The following PRKCE variants were observed in gnomAD, a reference collection of about 807,000 sequenced individuals.
The protein encoded by PRKCE is protein kinase C epsilon type.
PRKCE carries 16 observed loss-of-function variants against 85.4 expected under a neutral mutation model. The observed-to-expected ratio is 0.19, with a 90% CI of 0.13 to 0.28. The LOEUF (loss-of-function observed/expected upper bound fraction) is 0.28. Ranked by LOEUF, PRKCE falls within the 10% of genes least tolerant of loss-of-function variation. The pLI, the probability that PRKCE is intolerant of heterozygous loss-of-function variation, is 1.00. For synonymous variants in PRKCE, 388 were observed against 371.5 expected (o/e 1.04, Z -0.51); for missense variants, 573 against 975.2 (o/e 0.59, Z 5.49).
In PRKCE at chr2:45,712,989, G is replaced by A. The variant is rs112038943; in HGVS notation, c.348+60541G>A. On this transcript the variant is annotated intron_variant, in intron 1 of 14. Transcript: ENST00000306156. Reference sequence around the variant, plus strand: ...TAATAATGATAATTACGACACTGTCGCCTTGCATCTGTAATGCGCATCATG... The same window carrying A: ...TAATAATGATAATTACGACACTGTCACCTTGCATCTGTAATGCGCATCATG... Among the ~76,000 whole-genome samples the A allele has an allele frequency of 3.6e-3, 543 of 152,262 alleles. 3 individuals carry two copies. Among genetic ancestry groups the A allele is most frequent in the African/African-American group, 0.012 (513 of 41,552 alleles).
At chr2:45,870,389 C>T (rs556886431) in intron 2 of PRKCE, among the ~76,000 whole-genome samples, 2 of 152,300 alleles carry the variant, frequency 1.3e-5, no homozygotes, top group South Asian at 2.1e-4. Context: ...TGTGCATGTT[C>T]GAGATGCTAA....
chr2:46,096,249 T>C (rs543294643), intron 11 of PRKCE, among the ~76,000 whole-genome samples: 2 of 152,358 alleles, frequency 1.3e-5, no homozygotes, highest in African/African-American at 2.4e-5. Flanking sequence ...TGCAAACCTC[T>C]CTGGACTGCT....
chr2:46,078,401 A>G (rs980653607), intron 10 of PRKCE: 1 of 151,564 alleles, frequency 6.6e-6, no homozygotes, highest in Non-Finnish European at 1.5e-5. Context: ...TTAGCTGGAC[A>G]TGGTGGCACA....
chr2:45,702,196 C>A (rs144348363), intron 1 of PRKCE, among the ~76,000 whole-genome samples: 1 of 152,010 alleles, frequency 6.6e-6, no homozygotes, highest in Admixed American at 6.6e-5. Context: ...CAAAAAACAA[C>A]GACAACAACA....
At chr2:46,043,880 A>G (rs1017527613) in intron 10 of PRKCE, among the ~76,000 whole-genome samples, 6 of 152,190 alleles carry the variant, frequency 3.9e-5, no homozygotes, top group African/African-American at 1.4e-4. Context: ...TCTCCTATTT[A>G]TTTTTGTGGC....
intron 1 of PRKCE, among the ~76,000 whole-genome samples, chr2:45,702,437 G>C (rs1396009950): frequency 6.6e-6 from 1 of 152,132 alleles, no homozygotes; most frequent in East Asian, 1.9e-4. Context: ...AGCTGAGAGA[G>C]CATCTGTAAA....
chr2:46,127,383 C>T (rs955807029), intron 11 of PRKCE, among the ~76,000 whole-genome samples: 5 of 152,190 alleles, frequency 3.3e-5, no homozygotes, highest in South Asian at 2.1e-4. Context: ...AGAGAGAGCA[C>T]GCCCTAAACC....
At chr2:45,952,539 A>G (rs2104346602) in intron 2 of PRKCE, among the ~76,000 whole-genome samples, 1 of 152,354 alleles carries the variant, frequency 6.6e-6, no homozygotes, top group East Asian at 1.9e-4. Flanking sequence ...AAATTAAAGG[A>G]ACATAAAGCA....
chr2:45,944,068 A>C (rs1439125820), intron 2 of PRKCE, among the ~76,000 whole-genome samples: 1 of 152,220 alleles, frequency 6.6e-6, no homozygotes, highest in Non-Finnish European at 1.5e-5. Flanking sequence ...TTATGAATCT[A>C]TTCCAGGACT....
chr2:45,988,582 T>A (rs1205853117), intron 6 of PRKCE, among the ~76,000 whole-genome samples: 1 of 152,156 alleles, frequency 6.6e-6, no homozygotes, highest in Admixed American at 6.5e-5. Flanking sequence ...GCTCACACGA[T>A]CATTGGGTAA....
At chr2:46,049,977 A>G (rs1708754507) in intron 10 of PRKCE, among the ~76,000 whole-genome samples, 1 of 152,226 alleles carries the variant, frequency 6.6e-6, no homozygotes, top group Non-Finnish European at 1.5e-5. Context: ...TGGCCAGTGT[A>G]GAAGGCTGGG....
At chr2:46,152,557 AT>A (rs970115904) in intron 13 of PRKCE, among the ~76,000 whole-genome samples, 3 of 148,628 alleles carry the variant, frequency 2.0e-5, no homozygotes, top group Non-Finnish European at 3.0e-5. Context: ...AATTAATGTA[AT>A]TTTTTTTCAA....
intron 2 of PRKCE, among the ~76,000 whole-genome samples, chr2:45,975,935 A>G (rs1213047735): frequency 1.3e-5 from 2 of 152,214 alleles, no homozygotes; most frequent in South Asian, 4.1e-4. Flanking sequence ...TGAGCCAGGA[A>G]GCTTAGGGTG....
At chr2:45,738,229 G>C (rs960353939) in intron 1 of PRKCE, among the ~76,000 whole-genome samples, 4 of 152,020 alleles carry the variant, frequency 2.6e-5, no homozygotes, top group Non-Finnish European at 5.9e-5. Context: ...TATTTTTCAG[G>C]GTTTTCTCTT....
chr2:45,680,203 C>T (rs1676781033), intron 1 of PRKCE, among the ~76,000 whole-genome samples: 1 of 152,194 alleles, frequency 6.6e-6, no homozygotes, highest in Non-Finnish European at 1.5e-5. Context: ...GTGTTCTAAA[C>T]CTCCAGAGGT....
chr2:46,182,571 C>A (rs1574692706), intron 14 of PRKCE, among the ~76,000 whole-genome samples: 1 of 152,166 alleles, frequency 6.6e-6, no homozygotes, highest in Admixed American at 6.5e-5. Context: ...CCCCCCTTCC[C>A]CCTTCCAAGG....
chr2:45,963,457 C>A (rs1341640416), intron 2 of PRKCE, among the ~76,000 whole-genome samples: 2 of 152,028 alleles, frequency 1.3e-5, no homozygotes, highest in African/African-American at 4.8e-5. Context: ...TACAGGTGTG[C>A]GCCACCACGC....
intron 1 of PRKCE, among the ~76,000 whole-genome samples, chr2:45,690,172 T>C (rs1371236320): frequency 2.0e-5 from 3 of 152,242 alleles, no homozygotes; most frequent in Admixed American, 6.5e-5. Flanking sequence ...CATAGTTCAA[T>C]ACTTAGTTGA....
At chr2:46,053,567 A>G (rs999332446) in intron 10 of PRKCE, among the ~76,000 whole-genome samples, 2 of 152,126 alleles carry the variant, frequency 1.3e-5, no homozygotes, top group Non-Finnish European at 2.9e-5. Flanking sequence ...GAATTTGACC[A>G]TTCTAGGTAC....
Sources: allele counts gnomAD v4.1 joint callset (sites outside exome capture counted in the v4.1 genomes callset), GRCh38; gene constraint gnomAD v4.1.1; transcripts MANE v1.5; gene names NCBI Gene and HGNC (gene_info 2026-07-23, HGNC 2026-07-21).